The following DNAH6 variants were observed in gnomAD, a reference collection of about 807,000 sequenced individuals.
DNAH6 encodes the protein dynein axonemal heavy chain 6, also known as axonemal beta dynein heavy chain 6.
A neutral mutation model predicts 491.4 loss-of-function variants in DNAH6; 340 were observed. The ratio of observed to expected loss-of-function variants is 0.69; its 90% confidence interval spans 0.63 to 0.76. DNAH6 has a LOEUF of 0.76. DNAH6 is among the 30% of genes least tolerant of loss of function. The probability of loss-of-function intolerance (pLI) is 0.00; values close to 1 mark genes in which losing one functional copy is unlikely to be tolerated. For synonymous variants in DNAH6, 1,603 were observed against 1,686.1 expected (o/e 0.95, Z 1.21); for missense variants, 4,443 against 4,972.2 (o/e 0.89, Z 3.20).
At position 84,667,776 on chromosome 2, in the gene DNAH6, A is replaced by T. The variant is rs548972962; in HGVS notation, c.6085-1513A>T. 7.9e-5 allele frequency among the ~76,000 whole-genome samples: 12 copies of T among 152,380 alleles called. No individual in the cohort carries two copies. In the South Asian group the frequency reaches 2.3e-3, roughly 29 times the overall value. ...AAGATTATAAACTCTACTGCTATAAAGACACATGCACAAGTATGTTTATTG... is the reference window on the plus strand; with the variant it reads ...AAGATTATAAACTCTACTGCTATAATGACACATGCACAAGTATGTTTATTG... On this transcript the variant is annotated intron_variant, in intron 37 of 76. Transcript: ENST00000389394.
At chr2:84,729,328 A>G (rs556466947) in intron 61 of DNAH6, among the ~76,000 whole-genome samples, 1 of 152,244 alleles carries the variant, frequency 6.6e-6, no homozygotes, top group East Asian at 1.9e-4. Flanking sequence ...ACTTAACAGG[A>G]CCTGGAACCG....
At chr2:84,781,716 T>A in intron 65 of DNAH6, 63 bp downstream of exon 65, 2 of 1,470,064 alleles carry the variant, frequency 1.4e-6, no homozygotes, top group Non-Finnish European at 1.8e-6. Context: ...TCTTGTTGAA[T>A]TCATTCCTTA....
intron 62 of DNAH6, among the ~76,000 whole-genome samples, chr2:84,737,739 C>T (rs1297553167): frequency 1.3e-5 from 2 of 151,864 alleles, no homozygotes; most frequent in Non-Finnish European, 2.9e-5. Context: ...GTTAATCTAG[C>T]TTATGGTCTA....
the DNAH6 span, among the ~76,000 whole-genome samples, chr2:84,500,886 A>G: frequency 6.6e-6 from 1 of 152,184 alleles, no homozygotes; most frequent in African/African-American, 2.4e-5. Flanking sequence ...GTATCCTGCA[A>G]CTTTACTGAA....
chr2:84,566,125 AT>A (rs937124026), intron 11 of DNAH6, among the ~76,000 whole-genome samples: 1 of 151,906 alleles, frequency 6.6e-6, no homozygotes, highest in African/African-American at 2.4e-5. Flanking sequence ...AAAATTGAGA[AT>A]TTTTTAGGGA....
chr2:84,817,926 G>A (rs942444377), intron 76 of DNAH6, among the ~76,000 whole-genome samples: 1 of 152,108 alleles, frequency 6.6e-6, no homozygotes, highest in Non-Finnish European at 1.5e-5. Context: ...ACTCATCAGG[G>A]ATCTGACCCC....
chr2:84,567,335 T>G (rs1201286532), intron 11 of DNAH6, among the ~76,000 whole-genome samples: 1 of 151,990 alleles, frequency 6.6e-6, no homozygotes, highest in African/African-American at 2.4e-5. Flanking sequence ...AAAAAGAGCC[T>G]GTATAGCCAA....
chr2:84,745,622 C>T (rs1447333223), intron 63 of DNAH6, among the ~76,000 whole-genome samples: 10 of 149,438 alleles, frequency 6.7e-5, no homozygotes, highest in African/African-American at 9.9e-5. Flanking sequence ...GCCGAGATCG[C>T]GCCACTGCAC....
intron 64 of DNAH6, among the ~76,000 whole-genome samples, chr2:84,780,123 T>A (rs903477312): frequency 1.3e-5 from 2 of 152,110 alleles, no homozygotes; most frequent in African/African-American, 4.8e-5. Flanking sequence ...TTGGGGATGG[T>A]CATCTTATAT....
intron 4 of DNAH6, among the ~76,000 whole-genome samples, chr2:84,539,436 C>T (rs1041911861): frequency 3.3e-5 from 5 of 152,114 alleles, no homozygotes; most frequent in Admixed American, 2.6e-4. Context: ...AGCTCTTAGC[C>T]TTAGCTGCTC....
At chr2:84,791,797 C>T (rs1677776863) in intron 68 of DNAH6, among the ~76,000 whole-genome samples, 1 of 151,648 alleles carries the variant, frequency 6.6e-6, no homozygotes, top group Non-Finnish European at 1.5e-5. Context: ...AATGCTTTAT[C>T]CAGGTGACGA....
chr2:84,775,997 G>T (rs1303530805), intron 64 of DNAH6, among the ~76,000 whole-genome samples: 1 of 152,034 alleles, frequency 6.6e-6, no homozygotes, highest in Non-Finnish European at 1.5e-5. Context: ...TGCTGTTCAA[G>T]GTTTATTGGG....
intron 54 of DNAH6, among the ~76,000 whole-genome samples, chr2:84,709,118 T>A (rs1318160910): frequency 6.6e-6 from 1 of 152,250 alleles, no homozygotes; most frequent in African/African-American, 2.4e-5. Flanking sequence ...ATAGAGGGAA[T>A]GATGTTTCCA....
In DNAH6 at chr2:84,544,337, G is replaced by T. The variant is rs1259819662; in HGVS notation, c.767G>T (p.Arg256Leu). ...GACATTGAATTTATCGAAATTGATC[G>T]ATGGGAACAGGAATATCTGTATCAC... Reference protein sequence around the residue: ...NEDIEFIEIDRWEQEYLYHRE... With the variant: ...NEDIEFIEIDLWEQEYLYHRE... The change falls in exon 5 of 77, where the codon CGA becomes CTA. Residue 256 changes from arginine to leucine, a missense_variant. By Grantham distance (102) the Arg-to-Leu change is moderately radical. This residue lies in a region of DNAH6 where 2,977 missense variants were observed against 3,296.6 expected (regional missense o/e 0.90). Coordinates refer to ENST00000389394, the MANE Select transcript of DNAH6 (RefSeq NM_001370.2). 4.5e-6 allele frequency: 7 copies of T among 1,544,038 alleles called. No individual in the cohort carries two copies. Among genetic ancestry groups the T allele is most frequent in the Non-Finnish European group, 8.8e-7 (1 of 1,140,410 alleles).
At chr2:84,716,070 T>C (rs887265710) in intron 58 of DNAH6, among the ~76,000 whole-genome samples, 1 of 151,794 alleles carries the variant, frequency 6.6e-6, no homozygotes, top group African/African-American at 2.4e-5. Context: ...AACTGTCCAC[T>C]TCAAATATAT....
Position 84,640,306 on chromosome 2 carries a change from G to C in DNAH6, c.4822-124G>C, listed in dbSNP as rs1351659258. On this transcript the variant is annotated intron_variant, in intron 31 of 76. Coordinates refer to ENST00000389394, the MANE Select transcript of DNAH6 (RefSeq NM_001370.2). The stretch of plus-strand genomic sequence containing the variant: ...TTTCCCTTCAATCTTTATGTTTCTT[G>C]ATTAAAAGACATAACAACTTGGAAA... 3 of 652,660 alleles carry C rather than the reference G, an allele frequency of 4.6e-6. No individual in the cohort carries two copies. In the African/African-American group the frequency reaches 5.6e-5, roughly 12 times the overall value. The allele number at this position is 652,660 out of a possible 1,614,324, so 40.4% of individuals were successfully genotyped here.
rs777426838 is a variant in DNAH6 at position 84,777,910 on chromosome 2, G to A, written c.10704-3583G>A. On this transcript the variant is annotated intron_variant, in intron 64 of 76. Coordinates refer to ENST00000389394, the MANE Select transcript of DNAH6 (RefSeq NM_001370.2). ...GAATGATGAATTTAAAGATGTTCAC[G>A]TTAGGCTGGACCAAATTAAGACGGC... 18 of 1,174,222 alleles carry A rather than the reference G, an allele frequency of 1.5e-5. No homozygotes were observed. In the East Asian group the frequency reaches 2.1e-4, roughly 14 times the overall value. The allele number at this position is 1,174,222 out of a possible 1,614,324, so 72.7% of individuals were successfully genotyped here. A position where few individuals can be genotyped will look rare whatever the true frequency, so the allele number is the denominator to read the frequency against.
the DNAH6 span, among the ~76,000 whole-genome samples, chr2:84,484,341 T>G: frequency 7.2e-5 from 11 of 152,348 alleles, no homozygotes; most frequent in African/African-American, 2.4e-4. Flanking sequence ...GTAGCTGTAC[T>G]CAATTAGAAG....
the DNAH6 span, among the ~76,000 whole-genome samples, chr2:84,494,944 C>T: frequency 6.6e-6 from 1 of 152,160 alleles, no homozygotes; most frequent in African/African-American, 2.4e-5. Context: ...GATGCCAATG[C>T]TGCTAGTCAA....
Sources: allele counts gnomAD v4.1 joint callset (sites outside exome capture counted in the v4.1 genomes callset), GRCh38; gene constraint gnomAD v4.1.1; regional missense constraint gnomAD v4.1.1; transcripts MANE v1.5; gene names NCBI Gene and HGNC (gene_info 2026-07-23, HGNC 2026-07-21).